DCAF8L2: variants seen among roughly 807,000 people sequenced by gnomAD.
DCAF8L2 encodes DDB1- and CUL4-associated factor 8-like protein 2.
For missense variants in DCAF8L2, 430 were observed against 490.7 expected (o/e 0.88, Z 1.17); for synonymous variants, 200 against 190.9 (o/e 1.05, Z -0.39).
chrX:27,610,797 G>A (rs894407615), intron 1 of DCAF8L2, among the ~76,000 whole-genome samples: 4 of 112,248 alleles, frequency 3.6e-5, no homozygotes, highest in Admixed American at 9.4e-5. Flanking sequence ...GAAATTGGAT[G>A]GATCCAAGAG....
At chrX:27,541,752 A>G in the DCAF8L2 span, among the ~76,000 whole-genome samples, 2 of 111,237 alleles carry the variant, frequency 1.8e-5, no homozygotes, top group African/African-American at 3.3e-5. Flanking sequence ...GGTTTATTGT[A>G]TGATGCTGAG....
intron 1 of DCAF8L2, among the ~76,000 whole-genome samples, chrX:27,598,974 A>AAAAATAT (rs1555917079): frequency 1.1e-5 from 1 of 92,212 alleles, no homozygotes; most frequent in Non-Finnish European, 2.1e-5. Flanking sequence ...AAAAAAAAAA[A>AAAAATAT]ATATATATAT....
intron 1 of DCAF8L2, among the ~76,000 whole-genome samples, chrX:27,591,352 C>T (rs997141317): frequency 1.5e-4 from 17 of 110,681 alleles, no homozygotes; most frequent in African/African-American, 5.3e-4. Flanking sequence ...ATAACCAAAA[C>T]CTCCCACATT....
the DCAF8L2 span, among the ~76,000 whole-genome samples, chrX:27,480,177 A>T: frequency 2.7e-5 from 3 of 112,525 alleles, no homozygotes; most frequent in Admixed American, 2.8e-4. Context: ...TTTATTGAGG[A>T]CCATGCAAGA....
intron 3 of DCAF8L2, among the ~76,000 whole-genome samples, chrX:27,714,198 GA>G (rs1282214765): frequency 9.0e-6 from 1 of 111,225 alleles, no homozygotes; most frequent in African/African-American, 3.3e-5. Context: ...TTTTATAATA[GA>G]AAAAAAGAGA....
intron 3 of DCAF8L2, among the ~76,000 whole-genome samples, chrX:27,683,862 A>G (rs904975356): frequency 1.8e-5 from 2 of 111,728 alleles, no homozygotes; most frequent in African/African-American, 6.5e-5. Flanking sequence ...TTCACCTGAG[A>G]TTGCACTGTT....
At chrX:27,518,505 C>A in the DCAF8L2 span, 1 of 386,168 alleles carries the variant, frequency 2.6e-6, no homozygotes, top group Non-Finnish European at 4.6e-6. Flanking sequence ...TTTGGGAGGC[C>A]GAGGCAGGCG....
the DCAF8L2 span, among the ~76,000 whole-genome samples, chrX:27,536,496 A>G: frequency 1.8e-5 from 2 of 112,681 alleles, no homozygotes; most frequent in Non-Finnish European, 3.7e-5. Context: ...TAGTTGTTAT[A>G]TTTTGAAATG....
At chrX:27,684,884 G>T (rs59471219) in intron 3 of DCAF8L2, among the ~76,000 whole-genome samples, 7,186 of 111,188 alleles carry the variant, frequency 0.065, 303 homozygotes, top group African/African-American at 0.16. Context: ...TTGTAGGCCA[G>T]CTCAGTTACA....
intron 4 of DCAF8L2, among the ~76,000 whole-genome samples, chrX:27,721,108 G>T (rs1213496252): frequency 9.0e-6 from 1 of 111,558 alleles, no homozygotes; most frequent in African/African-American, 3.2e-5. Flanking sequence ...TACATAATTA[G>T]ATTATCTGCA....
chrX:27,702,006 A>G (rs1482349795), intron 3 of DCAF8L2, among the ~76,000 whole-genome samples: 1 of 111,284 alleles, frequency 9.0e-6, no homozygotes, highest in Non-Finnish European at 1.9e-5. Context: ...TCTTCTATTA[A>G]TATCTGGAAT....
chrX:27,497,203 T>A, the DCAF8L2 span, among the ~76,000 whole-genome samples: 1 of 111,523 alleles, frequency 9.0e-6, no homozygotes, highest in East Asian at 2.8e-4. Context: ...CACAATTAAA[T>A]ACACTCGCCC....
chrX:27,587,984 AAAT>A (rs1190376156), upstream of DCAF8L2, among the ~76,000 whole-genome samples: 190 of 65,139 alleles, frequency 2.9e-3, 1 homozygote, highest in African/African-American at 0.011. Flanking sequence ...TTAAAAAAAA[AAAT>A]ATATATATAT....
At chrX:27,727,595 A>G (rs1464888791) in intron 4 of DCAF8L2, among the ~76,000 whole-genome samples, 6 of 111,370 alleles carry the variant, frequency 5.4e-5, no homozygotes, top group Admixed American at 9.6e-5. Context: ...TTTTCTTCAA[A>G]TATATTTTAT....
chrX:27,581,807 C>T, the DCAF8L2 span, among the ~76,000 whole-genome samples: 1 of 111,895 alleles, frequency 8.9e-6, no homozygotes, highest in Non-Finnish European at 1.9e-5. Context: ...TTGTCTCAAA[C>T]TCCTGACCTC....
chrX:27,508,785 C>A, the DCAF8L2 span, among the ~76,000 whole-genome samples: 2 of 106,462 alleles, frequency 1.9e-5, no homozygotes, highest in African/African-American at 6.9e-5. Flanking sequence ...TTGTACCTTG[C>A]TAATCACATA....
chrX:27,612,444 G>C (rs1165698947), intron 1 of DCAF8L2, among the ~76,000 whole-genome samples: 2 of 111,970 alleles, frequency 1.8e-5, no homozygotes, highest in African/African-American at 3.2e-5. Context: ...AAGCTCTTTA[G>C]TTTAATTAGA....
chrX:27,594,421 CAG>C (rs1419264610), intron 1 of DCAF8L2, among the ~76,000 whole-genome samples: 1 of 110,869 alleles, frequency 9.0e-6, no homozygotes, highest in Non-Finnish European at 1.9e-5. Context: ...GTTCTTTACT[CAG>C]AATCTTGAAA....
At chrX:27,513,426 G>C in the DCAF8L2 span, among the ~76,000 whole-genome samples, 1 of 111,668 alleles carries the variant, frequency 9.0e-6, no homozygotes, top group Non-Finnish European at 1.9e-5. Context: ...AATGAGTCAG[G>C]GTGGGCATGG....
Sources: gnomAD v4.1 joint callset for allele counts (sites outside exome capture counted in the v4.1 genomes callset) on GRCh38, gnomAD v4.1.1 for gene constraint, MANE v1.5 for transcripts, NCBI Gene and HGNC (gene_info 2026-07-23, HGNC 2026-07-21) for gene names.